CD2AP: variants seen among roughly 807,000 people sequenced by gnomAD.
CD2AP encodes CD2 associated protein.
Under a neutral mutation model 85.1 loss-of-function variants are expected in CD2AP, and 46 were observed. The ratio of observed to expected loss-of-function variants is 0.54; its 90% CI spans 0.43 to 0.69. The LOEUF (loss-of-function observed/expected upper bound fraction) is 0.69. Ranked by LOEUF, CD2AP falls within the 30% of genes least tolerant of loss-of-function variation. CD2AP has a pLI of 0.00. For synonymous variants in CD2AP, 255 were observed against 252.9 expected, an observed-to-expected ratio of 1.01 and a Z score of -0.08; for missense variants, 769 against 729.5, an observed-to-expected ratio of 1.05 and a Z score of -0.62.
At chr6:47,566,323 T>TACACACACACAC (rs1428713911) in intron 5 of CD2AP, among the ~76,000 whole-genome samples, 3 of 108,360 alleles carry the variant, frequency 2.8e-5, no homozygotes, top group Non-Finnish European at 4.3e-5. Flanking sequence ...TATATATATA[T>TACACACACACAC]ACACATACAC....
intron 13 of CD2AP, among the ~76,000 whole-genome samples, chr6:47,600,187 G>T (rs1213451953): frequency 6.6e-6 from 1 of 151,748 alleles, no homozygotes; most frequent in Non-Finnish European, 1.5e-5. Context: ...GGAAGCAGAT[G>T]CTTTTTTTTC....
intron 12 of CD2AP, among the ~76,000 whole-genome samples, chr6:47,598,336 G>A (rs1246423519): frequency 1.3e-5 from 2 of 151,118 alleles, no homozygotes; most frequent in Non-Finnish European, 3.0e-5. Context: ...ATGGAAAGCA[G>A]TGTGGAGATT....
At chr6:47,560,403 TC>T (rs1767824750) in intron 5 of CD2AP, among the ~76,000 whole-genome samples, 1 of 152,126 alleles carries the variant, frequency 6.6e-6, no homozygotes, top group East Asian at 1.9e-4. Context: ...GCTGTTTTTT[TC>T]CTCCCAGTCC....
chr6:47,490,229 T>C (rs1465438338), intron 1 of CD2AP, among the ~76,000 whole-genome samples: 1 of 152,154 alleles, frequency 6.6e-6, no homozygotes, highest in Non-Finnish European at 1.5e-5. Flanking sequence ...AGCAGTCCTC[T>C]TACCTGGGCC....
chr6:47,616,274 A>G (rs1769584687), intron 17 of CD2AP, among the ~76,000 whole-genome samples: 1 of 150,802 alleles, frequency 6.6e-6, no homozygotes. Context: ...TTGTATTTTT[A>G]ACAGAGATGG....
At chr6:47,521,127 A>T (rs992189682) in intron 2 of CD2AP, among the ~76,000 whole-genome samples, 1 of 152,180 alleles carries the variant, frequency 6.6e-6, no homozygotes, top group Non-Finnish European at 1.5e-5. Context: ...CACCTACTCC[A>T]TCTTTCTGTA....
intron 3 of CD2AP, among the ~76,000 whole-genome samples, chr6:47,538,695 A>C (rs887057127): frequency 4.6e-5 from 7 of 152,156 alleles, no homozygotes; most frequent in Non-Finnish European, 1.0e-4. Context: ...TCAACCTCCC[A>C]CTTCTTATTG....
At chr6:47,496,955 C>A (rs1053535361) in intron 1 of CD2AP, among the ~76,000 whole-genome samples, 1 of 152,084 alleles carries the variant, frequency 6.6e-6, no homozygotes, top group Non-Finnish European at 1.5e-5. Flanking sequence ...TAATGATATT[C>A]ATCCCTTTAC....
chr6:47,569,041 A>G (rs1768077773), intron 5 of CD2AP, among the ~76,000 whole-genome samples: 1 of 152,174 alleles, frequency 6.6e-6, no homozygotes, highest in Non-Finnish European at 1.5e-5. Flanking sequence ...GGACCTAGAC[A>G]AGAGCAGTTT....
intron 2 of CD2AP, among the ~76,000 whole-genome samples, chr6:47,514,557 T>C (rs1198739178): frequency 2.6e-5 from 4 of 152,206 alleles, no homozygotes; most frequent in Non-Finnish European, 2.9e-5. Flanking sequence ...ATAAACACAT[T>C]CCAGTAAACA....
intron 16 of CD2AP, among the ~76,000 whole-genome samples, chr6:47,610,973 T>TATA (rs1454709863): frequency 1.7e-4 from 5 of 30,044 alleles, no homozygotes; most frequent in Non-Finnish European, 3.2e-4. Context: ...ATATATGTAT[T>TATA]TTTTTTTTTT....
rs1446289326 is a variant in CD2AP, at chr6:47,533,658, G to A, written c.222G>A (p.Arg74=). 2 of 1,613,942 alleles carry A rather than the reference G, an allele frequency of 1.2e-6. No individual in the cohort carries two copies. Among genetic ancestry groups the A allele is most frequent in the African/African-American group, 1.3e-5 (1 of 74,928 alleles). The part of the protein sequence containing the change: ...KDDSLPIKRE[R]HGNVASLVQR... Reference sequence around the variant, plus strand: ...ACAGTTTGCCCATCAAACGGGAAAGGCATGGGAATGTAGCAAGTCTTGTAC... The same window carrying A: ...ACAGTTTGCCCATCAAACGGGAAAGACATGGGAATGTAGCAAGTCTTGTAC... The change falls in exon 3 of 18, where the codon AGG becomes AGA. Residue 74 remains arginine, a synonymous_variant. Transcript: ENST00000359314.
intron 11 of CD2AP, among the ~76,000 whole-genome samples, chr6:47,590,071 TTTGTGTC>T (rs1768750107): frequency 6.6e-6 from 1 of 152,046 alleles, no homozygotes; most frequent in Non-Finnish European, 1.5e-5. Context: ...CTGTAAATCT[TTTGTGTC>T]TTGTACTCAT....
At chr6:47,578,517 T>A (rs1315082354) in intron 8 of CD2AP, among the ~76,000 whole-genome samples, 1 of 152,148 alleles carries the variant, frequency 6.6e-6, no homozygotes, top group African/African-American at 2.4e-5. Context: ...CCTGGTCAAA[T>A]CGTGTTAATT....
chr6:47,488,025 CTTTT>C (rs35093088), intron 1 of CD2AP, among the ~76,000 whole-genome samples: 3 of 127,602 alleles, frequency 2.4e-5, no homozygotes, highest in Admixed American at 1.6e-4. Context: ...GGATGAGATC[CTTTT>C]TTTTTTTTTT....
chr6:47,592,375 A>G (rs950682619), intron 11 of CD2AP, among the ~76,000 whole-genome samples: 5 of 152,132 alleles, frequency 3.3e-5, no homozygotes, highest in African/African-American at 1.2e-4. Flanking sequence ...CCTTAAATAT[A>G]AGAGTTAAAA....
At chr6:47,526,814 G>A (rs1766741281) in intron 2 of CD2AP, among the ~76,000 whole-genome samples, 1 of 152,132 alleles carries the variant, frequency 6.6e-6, no homozygotes, top group Non-Finnish European at 1.5e-5. Context: ...TTTTTTCAAT[G>A]TAGGTAGCTT....
At chr6:47,483,852 C>T (rs1765504738) in intron 1 of CD2AP, among the ~76,000 whole-genome samples, 1 of 147,092 alleles carries the variant, frequency 6.8e-6, no homozygotes, top group South Asian at 2.2e-4. Flanking sequence ...TCCTTTCATA[C>T]CCAATGTGAA....
At chr6:47,484,483 A>C (rs1052014305) in intron 1 of CD2AP, among the ~76,000 whole-genome samples, 2 of 152,006 alleles carry the variant, frequency 1.3e-5, no homozygotes, top group Non-Finnish European at 2.9e-5. Context: ...AATTGTTTGC[A>C]CTTAAAGGTG....
Sources: gnomAD v4.1 joint callset for allele counts (sites outside exome capture counted in the v4.1 genomes callset) on GRCh38, gnomAD v4.1.1 for gene constraint, MANE v1.5 for transcripts, NCBI Gene and HGNC (gene_info 2026-07-23, HGNC 2026-07-21) for gene names.